MGAT4C: variants seen among roughly 807,000 people sequenced by gnomAD.
The protein encoded by MGAT4C is MGAT4 family member C.
Under a neutral mutation model 40.1 loss-of-function variants are expected in MGAT4C, and 19 were observed. The observed-to-expected ratio is 0.47, with a 90% confidence interval of 0.33 to 0.70. MGAT4C has a LOEUF of 0.70. Ranked by LOEUF, MGAT4C falls within the 30% of genes least tolerant of loss-of-function variation. The pLI is 0.02. For missense variants in MGAT4C, 491 were observed against 563.2 expected (o/e 0.87, Z 1.30); for synonymous variants, 181 against 187.1 (o/e 0.97, Z 0.27).
rs188375905 is a variant in MGAT4C, at chr12:86,753,353, T to A, written c.-261-26112A>T. Among the ~76,000 whole-genome samples the A allele has an allele frequency of 1.7e-3, 253 of 152,294 alleles. 1 individual carries two copies. The highest frequency in any genetic ancestry group is 5.3e-3 in the African/African-American group (219 of 41,578). ...GTGTTCTTGCTGCAATTAATTTGGC[T>A]CATCCCTTCATTTCCCTTAAGGGAT... On this transcript the variant is annotated intron_variant, in intron 1 of 7. Coordinates refer to the MGAT4C transcript ENST00000548651.
intron 1 of MGAT4C, among the ~76,000 whole-genome samples, chr12:86,131,549 A>T (rs139069966): frequency 2.9e-3 from 440 of 152,136 alleles, no homozygotes; most frequent in African/African-American, 1.0e-2. Flanking sequence ...TTTTGTATAA[A>T]TTTTTTATTT....
At chr12:86,344,067 T>A (rs115411853) in intron 3 of MGAT4C, among the ~76,000 whole-genome samples, 2,747 of 152,236 alleles carry the variant, frequency 0.018, 76 homozygotes, top group African/African-American at 0.062. Flanking sequence ...ATTGCCAGAA[T>A]AAAGTAAGAA....
chr12:86,095,738 A>G (rs555437786), intron 1 of MGAT4C, among the ~76,000 whole-genome samples: 1 of 149,964 alleles, frequency 6.7e-6, no homozygotes, highest in East Asian at 2.0e-4. Context: ...GTAATGTCCT[A>G]CTCCTATTCA....
intron 3 of MGAT4C, among the ~76,000 whole-genome samples, chr12:86,349,986 A>G: frequency 6.6e-6 from 1 of 152,182 alleles, no homozygotes; most frequent in South Asian, 2.1e-4. Context: ...AATATATTCC[A>G]AAGTTATATA....
intron 2 of MGAT4C, among the ~76,000 whole-genome samples, chr12:86,497,915 T>TATAC (rs1200308012): frequency 0.023 from 3,273 of 141,770 alleles, 88 homozygotes; most frequent in African/African-American, 0.064. Context: ...TATATATATA[T>TATAC]ACGCACACAC....
chr12:86,657,711 G>C (rs1399760673), intron 2 of MGAT4C, among the ~76,000 whole-genome samples: 2 of 151,836 alleles, frequency 1.3e-5, no homozygotes, highest in Non-Finnish European at 2.9e-5. Context: ...TACTATACTA[G>C]TAAATATGCT....
intron 2 of MGAT4C, among the ~76,000 whole-genome samples, chr12:86,483,271 T>A (rs7977689): frequency 0.64 from 97,055 of 152,018 alleles, 32,086 homozygotes; most frequent in South Asian, 0.79. Context: ...ACATTAGGTG[T>A]CAACAAATGA....
chr12:86,471,585 A>G (rs1436343833), intron 2 of MGAT4C, among the ~76,000 whole-genome samples: 1 of 152,122 alleles, frequency 6.6e-6, no homozygotes, highest in East Asian at 1.9e-4. Flanking sequence ...TGCACTATAT[A>G]GAATATACTA....
Position 86,190,811 on chromosome 12 carries a change from A to G in MGAT4C, c.-57+65428T>C, listed in dbSNP as rs143422197. 2.1e-3 allele frequency among the ~76,000 whole-genome samples: 321 copies of G among 152,194 alleles called. 1 individual carries two copies. The highest frequency in any genetic ancestry group is 7.3e-3 in the African/African-American group (304 of 41,538). The stretch of plus-strand genomic sequence containing the variant: ...TTTAAACAACTCTACCTTAACATTT[A>G]TTTTAAGTTGATTTAAAGCAAAGAG... On this transcript the variant is annotated intron_variant, in intron 1 of 4. Coordinates refer to ENST00000611864, the MANE Select transcript of MGAT4C (RefSeq NM_001351288.2).
At chr12:86,177,610 C>T (rs775306935) in intron 1 of MGAT4C, among the ~76,000 whole-genome samples, 18 of 151,848 alleles carry the variant, frequency 1.2e-4, no homozygotes, top group Non-Finnish European at 2.2e-4. Flanking sequence ...GTCACCAACA[C>T]CCTATATTTA....
intron 2 of MGAT4C, among the ~76,000 whole-genome samples, chr12:86,501,150 T>C (rs573392399): frequency 1.4e-4 from 21 of 152,056 alleles, no homozygotes; most frequent in Admixed American, 1.3e-3. Context: ...AAAGAATAAA[T>C]TCTGAACTCT....
At chr12:86,743,008 TATGTGTGTATGC>T (rs1220117654) in intron 1 of MGAT4C, among the ~76,000 whole-genome samples, 2 of 145,898 alleles carry the variant, frequency 1.4e-5, no homozygotes, top group African/African-American at 2.5e-5. Context: ...TGTGTATGTG[TATGTGTGTATGC>T]ATGTGTGTAT....
chr12:86,832,319 T>A (rs575363276), intron 1 of MGAT4C, among the ~76,000 whole-genome samples: 3 of 151,954 alleles, frequency 2.0e-5, no homozygotes, highest in African/African-American at 7.2e-5. Context: ...ATTATTAAAC[T>A]AAGCATGGAC....
intron 2 of MGAT4C, among the ~76,000 whole-genome samples, chr12:86,665,021 G>A (rs1565912432): frequency 6.6e-6 from 1 of 151,992 alleles, no homozygotes; most frequent in Non-Finnish European, 1.5e-5. Flanking sequence ...CTTCAGTCAC[G>A]TAGAGTAGAA....
At chr12:86,301,100 A>G (rs563080335) in intron 4 of MGAT4C, among the ~76,000 whole-genome samples, 3 of 152,326 alleles carry the variant, frequency 2.0e-5, no homozygotes, top group African/African-American at 4.8e-5. Flanking sequence ...ATCAAGTGAT[A>G]GTGCAATGTG....
chr12:86,515,812 A>G lies in MGAT4C; in HGVS notation c.-228-80547T>C, dbSNP rs1028853056. Among the ~76,000 whole-genome samples the G allele has an allele frequency of 5.5e-5, 8 of 145,716 alleles. No individual in the cohort carries two copies. The East Asian group carries it at 8.1e-4, about 15-fold the overall frequency. ...GGCTGGAGTGCAGTGGCGCGATCTC[A>G]GCTCACTGCAAGCTCCGCCTCCCGG... On this transcript the variant is annotated intron_variant, in intron 2 of 7. Coordinates refer to the MGAT4C transcript ENST00000548651.
chr12:86,592,244 G>T (rs1394444557), intron 2 of MGAT4C, among the ~76,000 whole-genome samples: 1 of 151,998 alleles, frequency 6.6e-6, no homozygotes, highest in Non-Finnish European at 1.5e-5. Flanking sequence ...TAGTGTGATG[G>T]AAGCAGCTGT....
rs145947464 is a variant in MGAT4C at position 86,547,570 on chromosome 12, C to T, written c.-228-112305G>A. Among the ~76,000 whole-genome samples the T allele has an allele frequency of 3.0e-3, 452 of 152,060 alleles. 2 individuals carry two copies. The highest frequency in any genetic ancestry group is 0.01 in the African/African-American group (431 of 41,484). ...TTTTGGTTAACACATATGACAATGTCCAATTTAAGCTTGTATCTGTTAGAT... is the reference window on the plus strand; with the variant it reads ...TTTTGGTTAACACATATGACAATGTTCAATTTAAGCTTGTATCTGTTAGAT... On this transcript the variant is annotated intron_variant, in intron 2 of 7. Coordinates refer to the MGAT4C transcript ENST00000548651.
At position 86,631,560 on chromosome 12, in the gene MGAT4C, T is replaced by C. The variant is rs889234088; in HGVS notation, c.-229+95649A>G. 1.9e-4 allele frequency among the ~76,000 whole-genome samples: 29 copies of C among 152,088 alleles called. 1 individual carries two copies. The highest frequency in any genetic ancestry group is 6.5e-4 in the African/African-American group (27 of 41,412). On this transcript the variant is annotated intron_variant, in intron 2 of 7. Transcript: ENST00000548651. Reference sequence around the variant, plus strand: ...TGGTACTGGTACCAAAACAGACATATAGACCAATGGAACAGAACAGAGCCC... The same window carrying C: ...TGGTACTGGTACCAAAACAGACATACAGACCAATGGAACAGAACAGAGCCC...
Sources: allele counts gnomAD v4.1 joint callset (sites outside exome capture counted in the v4.1 genomes callset), GRCh38; gene constraint gnomAD v4.1.1; transcripts MANE v1.5; gene names NCBI Gene and HGNC (gene_info 2026-07-23, HGNC 2026-07-21).